The following XRN2 variants were observed in gnomAD, a reference collection of about 807,000 sequenced individuals.
The protein encoded by XRN2 is 5'-3' exoribonuclease 2, also known as DHM1-like protein.
In XRN2, 44 loss-of-function variants were observed where a neutral mutation model predicts 138.5. That is an observed-to-expected ratio of 0.32 (90% CI 0.25 to 0.41). The LOEUF is 0.41. Ranked by LOEUF, XRN2 falls within the 10% of genes least tolerant of loss-of-function variation. The probability of loss-of-function intolerance (pLI) is 1.00; values close to 1 mark genes in which losing one functional copy is unlikely to be tolerated. For synonymous variants in XRN2, 354 were observed against 369.4 expected (o/e 0.96, Z 0.48); for missense variants, 937 against 1,169.3 (o/e 0.80, Z 2.90).
chr20:21,326,815 G>A (rs1040958515), intron 3 of XRN2, among the ~76,000 whole-genome samples: 2 of 152,254 alleles, frequency 1.3e-5, no homozygotes, highest in South Asian at 2.1e-4. Flanking sequence ...GGATGTTGGC[G>A]ACTGCCCTTG....
intron 1 of XRN2, among the ~76,000 whole-genome samples, chr20:21,315,138 C>T (rs1202320806): frequency 3.3e-5 from 5 of 152,200 alleles, no homozygotes; most frequent in South Asian, 2.1e-4. Flanking sequence ...CGGGCAGTTG[C>T]GCCCTCACTC....
intron 21 of XRN2, 28 bp downstream of exon 21, chr20:21,354,900 T>G (rs766294210): frequency 4.4e-6 from 7 of 1,575,132 alleles, no homozygotes; most frequent in Admixed American, 1.7e-5. Context: ...TAGTTAACAT[T>G]GATCTGTGTA....
intron 19 of XRN2, among the ~76,000 whole-genome samples, chr20:21,348,800 C>T (rs559274166): frequency 6.5e-4 from 99 of 152,172 alleles, no homozygotes; most frequent in Admixed American, 6.2e-3. Flanking sequence ...CTCGCCACCA[C>T]GCCCAGCTAA....
chr20:21,367,180 C>G (rs1333338984), intron 26 of XRN2, among the ~76,000 whole-genome samples: 1 of 151,996 alleles, frequency 6.6e-6, no homozygotes. Flanking sequence ...TATGAATTTC[C>G]AGTTTTTATC....
intron 1 of XRN2, among the ~76,000 whole-genome samples, chr20:21,308,950 T>A (rs373968299): frequency 1.3e-5 from 2 of 152,326 alleles, no homozygotes; most frequent in African/African-American, 4.8e-5. Flanking sequence ...TGGTTTCCAT[T>A]TTTTGGTCTA....
chr20:21,370,232 G>A (rs1263867213), intron 27 of XRN2, among the ~76,000 whole-genome samples: 2 of 152,066 alleles, frequency 1.3e-5, no homozygotes, highest in Non-Finnish European at 2.9e-5. Context: ...TTTGATGCCG[G>A]TACCATACTG....
At chr20:21,325,221 T>C (rs1350544585) in intron 1 of XRN2, among the ~76,000 whole-genome samples, 1 of 152,246 alleles carries the variant, frequency 6.6e-6, no homozygotes, top group African/African-American at 2.4e-5. Context: ...TGAGGAACTG[T>C]TATTTTTTTA....
intron 1 of XRN2, among the ~76,000 whole-genome samples, chr20:21,309,953 T>C (rs2037857201): frequency 6.6e-6 from 1 of 152,190 alleles, no homozygotes; most frequent in Admixed American, 6.5e-5. Flanking sequence ...TTCTATTTCT[T>C]TGATTCTGCT....
chr20:21,380,414 TAAAC>T (rs773934271), intron 27 of XRN2, among the ~76,000 whole-genome samples: 17 of 152,296 alleles, frequency 1.1e-4, no homozygotes, highest in Non-Finnish European at 2.1e-4. Flanking sequence ...CCCATAGAAA[TAAAC>T]CATACAAATG....
chr20:21,335,904 C>T (rs1360119919), intron 13 of XRN2, among the ~76,000 whole-genome samples: 1 of 152,112 alleles, frequency 6.6e-6, no homozygotes, highest in African/African-American at 2.4e-5. Context: ...TGTTGGTGTT[C>T]CTGAAGTCAT....
At position 21,326,109 on chromosome 20, in the gene XRN2, A is replaced by G. The variant is rs370240383; in HGVS notation, c.76-170A>G. Among the ~76,000 whole-genome samples the G allele has an allele frequency of 5.9e-5, 9 of 152,368 alleles. 1 individual carries two copies. The South Asian group carries it at 1.0e-3, about 18-fold the overall frequency. On this transcript the variant is annotated intron_variant, in intron 1 of 29. Coordinates refer to ENST00000377191, the MANE Select transcript of XRN2 (RefSeq NM_012255.5). Reference sequence around the variant, plus strand: ...AAGCCATCCACTTTCTACAGATAAAATATCTGCTTCAGTTTGCTTTAAGGA... The same window carrying G: ...AAGCCATCCACTTTCTACAGATAAAGTATCTGCTTCAGTTTGCTTTAAGGA...
intron 4 of XRN2, among the ~76,000 whole-genome samples, chr20:21,329,164 A>G (rs546176237): frequency 3.6e-4 from 55 of 152,140 alleles, no homozygotes; most frequent in Non-Finnish European, 3.7e-4. Flanking sequence ...CATACTTTCA[A>G]TATAGGTTGA....
chr20:21,382,026 C>A lies in XRN2; in HGVS notation c.2617C>A (p.Pro873Thr), dbSNP rs1309927430. Residue 873 changes from proline (P) to threonine (T), a missense_variant, in exon 28 of 30, where the codon CCT (proline) becomes ACT (threonine). Around this residue, in one of 6 missense-constraint regions of XRN2, gnomAD observed 372 missense variants for 414.4 expected, o/e 0.90. Coordinates refer to ENST00000377191, the MANE Select transcript of XRN2 (RefSeq NM_012255.5). ...MRPQDSWRGPPPLFQQQRFDR... is the reference protein window; with the variant it reads ...MRPQDSWRGPTPLFQQQRFDR... ...GCCCCAGGATTCCTGGCGAGGTCCT[C>A]CTCCCCTTTTCCAGCAGCAAAGGTT... is the stretch of plus-strand genomic sequence containing the variant. The A allele has an allele frequency of 1.2e-6, 2 of 1,605,394 alleles. No homozygotes were observed. The highest frequency in any genetic ancestry group is 2.2e-5 in the East Asian group (1 of 44,518).
chr20:21,383,648 C>T (rs1375684893), intron 28 of XRN2, among the ~76,000 whole-genome samples: 3 of 152,134 alleles, frequency 2.0e-5, no homozygotes, highest in Non-Finnish European at 2.9e-5. Context: ...GGATCTGTTT[C>T]CACTTCTAAG....
At chr20:21,335,887 G>C (rs1263719701) in intron 13 of XRN2, among the ~76,000 whole-genome samples, 1 of 152,156 alleles carries the variant, frequency 6.6e-6, no homozygotes, top group Non-Finnish European at 1.5e-5. Context: ...TTAAAGCTTT[G>C]GATCTTTGTT....
chr20:21,331,972 T>A (rs1788574019), intron 8 of XRN2, among the ~76,000 whole-genome samples, 154 bp downstream of exon 8: 1 of 152,236 alleles, frequency 6.6e-6, no homozygotes, highest in Non-Finnish European at 1.5e-5. Context: ...AGTTGCTGTT[T>A]AATCTGTGGT....
rs775211380 is a variant in XRN2, at chr20:21,326,457, A to G, written c.204-33A>G. The G allele has an allele frequency of 5.0e-6, 8 of 1,613,754 alleles. No homozygotes were observed. In the East Asian group the frequency reaches 8.9e-5, roughly 18 times the overall value. On this transcript the variant is annotated intron_variant, in intron 2 of 29. Transcript: ENST00000377191. ...TATAGCAAATCACAGAGGAAACATTATATTATATTACATTGTTTGGTTGTC... is the reference window on the plus strand; with the variant it reads ...TATAGCAAATCACAGAGGAAACATTGTATTATATTACATTGTTTGGTTGTC...
chr20:21,373,100 C>T (rs1434452662), intron 27 of XRN2, among the ~76,000 whole-genome samples: 2 of 152,272 alleles, frequency 1.3e-5, no homozygotes, highest in South Asian at 4.1e-4. Flanking sequence ...ACAACCTCCA[C>T]CTTTTAGGTT....
chr20:21,312,714 A>T (rs574588808), intron 1 of XRN2, among the ~76,000 whole-genome samples: 2 of 149,646 alleles, frequency 1.3e-5, no homozygotes, highest in Non-Finnish European at 3.0e-5. Flanking sequence ...GGTTCAAGCC[A>T]TTCTTCCTCA....
Sources: gnomAD v4.1 joint callset for allele counts (sites outside exome capture counted in the v4.1 genomes callset) on GRCh38, gnomAD v4.1.1 for gene constraint, gnomAD v4.1.1 regional missense constraint, MANE v1.5 for transcripts, NCBI Gene and HGNC (gene_info 2026-07-23, HGNC 2026-07-21) for gene names.